CNTNAP2: variants seen among roughly 807,000 people sequenced by gnomAD.
The protein encoded by CNTNAP2 is contactin-associated protein-like 2.
CNTNAP2 carries 98 observed loss-of-function variants against 155.2 expected under a neutral mutation model. The ratio of observed to expected loss-of-function variants is 0.63; its 90% CI spans 0.54 to 0.75. The LOEUF (loss-of-function observed/expected upper bound fraction) is 0.75, where lower values mean the gene tolerates loss of function less well. Ranked by LOEUF, CNTNAP2 falls within the 30% of genes least tolerant of loss-of-function variation. CNTNAP2 has a pLI of 0.00. For missense variants in CNTNAP2, 1,727 were observed against 1,688.1 expected (o/e 1.02, Z -0.40); for synonymous variants, 651 against 631.2 (o/e 1.03, Z -0.47).
intron 9 of CNTNAP2, among the ~76,000 whole-genome samples, chr7:147,345,700 A>G (rs1795842495): frequency 6.6e-6 from 1 of 152,230 alleles, no homozygotes; most frequent in South Asian, 2.1e-4. Flanking sequence ...CTGTTTCATT[A>G]AAGACAATAC....
At chr7:147,628,927 C>T (rs191337839) in intron 12 of CNTNAP2, among the ~76,000 whole-genome samples, 1 of 147,782 alleles carries the variant, frequency 6.8e-6, no homozygotes, top group African/African-American at 2.5e-5. Flanking sequence ...AGAATTACTC[C>T]AACAGAAAAA....
intron 10 of CNTNAP2, among the ~76,000 whole-genome samples, chr7:147,450,918 C>A (rs980775040): frequency 2.0e-5 from 3 of 152,214 alleles, no homozygotes; most frequent in African/African-American, 7.2e-5. Context: ...TAGGACATCA[C>A]TTGGCATCAG....
chr7:148,137,232 A>G (rs866135613), intron 16 of CNTNAP2, among the ~76,000 whole-genome samples: 5 of 152,254 alleles, frequency 3.3e-5, no homozygotes, highest in African/African-American at 1.2e-4. Context: ...TAAGTAGACG[A>G]TAAAGATCAA....
chr7:146,474,259 T>C (rs1237741301), intron 1 of CNTNAP2, among the ~76,000 whole-genome samples: 1 of 149,588 alleles, frequency 6.7e-6, no homozygotes, highest in Non-Finnish European at 1.5e-5. Context: ...TATTTGTTTC[T>C]GAATATTTAT....
intron 1 of CNTNAP2, among the ~76,000 whole-genome samples, chr7:146,371,662 A>T (rs1052499136): frequency 6.6e-6 from 1 of 151,818 alleles, no homozygotes; most frequent in East Asian, 1.9e-4. Flanking sequence ...ATTTAAAAAT[A>T]TTTTGCCAGC....
chr7:148,090,159 A>C (rs1019683274), intron 15 of CNTNAP2, among the ~76,000 whole-genome samples: 1 of 152,114 alleles, frequency 6.6e-6, no homozygotes, highest in East Asian at 1.9e-4. Flanking sequence ...CTACTAGAAC[A>C]AAACATAGGG....
intron 3 of CNTNAP2, among the ~76,000 whole-genome samples, chr7:146,950,597 T>C (rs762390844): frequency 1.3e-5 from 2 of 152,208 alleles, no homozygotes; most frequent in African/African-American, 2.4e-5. Flanking sequence ...TCCACCTTTA[T>C]CCATGTCCCT....
chr7:147,103,438 C>G (rs1240624886), intron 4 of CNTNAP2, among the ~76,000 whole-genome samples: 1 of 152,078 alleles, frequency 6.6e-6, no homozygotes, highest in Non-Finnish European at 1.5e-5. Context: ...ATTCTATCTT[C>G]TAGTATTTTT....
chr7:147,741,961 G>T (rs1796963190), intron 13 of CNTNAP2, among the ~76,000 whole-genome samples: 4 of 152,134 alleles, frequency 2.6e-5, no homozygotes, highest in Admixed American at 2.6e-4. Context: ...TCACGTGGCT[G>T]GGGAGGCCTC....
chr7:148,366,300 A>C (rs191668899), intron 21 of CNTNAP2, among the ~76,000 whole-genome samples: 3 of 147,138 alleles, frequency 2.0e-5, no homozygotes, highest in Non-Finnish European at 4.5e-5. Context: ...ACATGTATAT[A>C]TGTATGTATG....
rs1480752898 is a variant in CNTNAP2 at position 148,418,082 on chromosome 7, A to G, written c.*2466A>G. 1 of 152,238 alleles carries G rather than the reference A, an allele frequency of 6.6e-6. No individual in the cohort carries two copies. The highest frequency in any genetic ancestry group is 1.5e-5 in the Non-Finnish European group (1 of 68,044). 9.4% of individuals were successfully genotyped at this position (152,238 alleles called of 1,614,324 possible). The stretch of plus-strand genomic sequence containing the variant: ...CATCAGACAGGAAACCAAACGGTGG[A>G]TAAAGTATTAAGTAACTAAGTGCCA... On this transcript the variant is annotated 3_prime_UTR_variant, in exon 24 of 24. Transcript: ENST00000361727.
intron 1 of CNTNAP2, among the ~76,000 whole-genome samples, chr7:146,468,632 T>G (rs575021444): frequency 1.1e-4 from 17 of 152,294 alleles, no homozygotes; most frequent in South Asian, 2.1e-4. Context: ...ACATAGTTTT[T>G]TTTGTTTGTT....
At chr7:147,856,287 C>T (rs1310531106) in intron 13 of CNTNAP2, among the ~76,000 whole-genome samples, 3 of 152,172 alleles carry the variant, frequency 2.0e-5, no homozygotes, top group South Asian at 2.1e-4. Flanking sequence ...ACTACATGAG[C>T]ATTTTCAGCT....
At chr7:147,209,369 C>T (rs767642919) in intron 8 of CNTNAP2, among the ~76,000 whole-genome samples, 1 of 151,800 alleles carries the variant, frequency 6.6e-6, no homozygotes, top group East Asian at 1.9e-4. Context: ...TAAATGAGGC[C>T]ATTTCCTTGA....
chr7:147,647,241 T>C (rs1043231985), intron 13 of CNTNAP2, among the ~76,000 whole-genome samples: 1 of 151,744 alleles, frequency 6.6e-6, no homozygotes, highest in Non-Finnish European at 1.5e-5. Context: ...GCTCAGGCAA[T>C]CTGCCCGCCT....
rs940052675 is a variant in CNTNAP2, at chr7:146,556,469, G to A, written c.98-217802G>A. Among the ~76,000 whole-genome samples, 12 of 152,266 alleles carry A rather than the reference G, an allele frequency of 7.9e-5. No individual in the cohort carries two copies. In the East Asian group the frequency reaches 1.4e-3, roughly 17 times the overall value. ...ACGCATGTAAATCATGCAGAACAGC[G>A]TATTATGATAGGTGCCTAATAACTG... On this transcript the variant is annotated intron_variant, in intron 1 of 23. Transcript: ENST00000361727.
intron 3 of CNTNAP2, among the ~76,000 whole-genome samples, chr7:146,999,097 A>G (rs1391934978): frequency 2.0e-4 from 31 of 151,484 alleles, no homozygotes; most frequent in Admixed American, 2.0e-3. Context: ...TGATTAAGTA[A>G]TTTTCATGAA....
rs562004919 is a variant in CNTNAP2 at position 148,415,639 on chromosome 7, ATAGGGAGGAGGGAATTAC to A, written c.*34_*51del. ...TGAGGGGTGGCTACTTGGCTATGGG[ATAGGGAGGAGGGAATTAC>A]TAGGGAGGAGAGAAAGGGACAAAAG... On this transcript the variant is annotated 3_prime_UTR_variant, in exon 24 of 24. Transcript: ENST00000361727. The A allele has an allele frequency of 4.4e-4, 703 of 1,614,016 alleles. 7 individuals carry two copies. The East Asian group carries it at 0.012, about 28-fold the overall frequency.
At chr7:147,380,781 G>T (rs1014739849) in intron 9 of CNTNAP2, among the ~76,000 whole-genome samples, 27 of 152,230 alleles carry the variant, frequency 1.8e-4, no homozygotes, top group Middle Eastern at 3.4e-3. Flanking sequence ...AACTGTGTTT[G>T]ATTTCCTACT....
Sources: gnomAD v4.1 joint callset for allele counts (sites outside exome capture counted in the v4.1 genomes callset) on GRCh38, gnomAD v4.1.1 for gene constraint, MANE v1.5 for transcripts, NCBI Gene and HGNC (gene_info 2026-07-23, HGNC 2026-07-21) for gene names.